Variants in ITSN1 observed in about 807,000 individuals in gnomAD.
The protein encoded by ITSN1 is intersectin 1.
ITSN1 carries 58 observed loss-of-function variants against 239.8 expected under a neutral mutation model. The observed-to-expected ratio is 0.24, with a 90% CI of 0.20 to 0.30. The LOEUF (loss-of-function observed/expected upper bound fraction) is 0.30, where lower values mean the gene tolerates loss of function less well. Ranked by LOEUF, ITSN1 falls within the 10% of genes least tolerant of loss-of-function variation. The pLI is 1.00. For synonymous variants in ITSN1, 780 were observed against 770.8 expected (o/e 1.01, Z -0.20); for missense variants, 1,558 against 2,103.3 (o/e 0.74, Z 5.07).
In ITSN1 at chr21:33,898,528, G is replaced by A. The variant is rs1468847425; in HGVS notation, c.*10228G>A. ...TTAGGCCACCTAAGGAGGATTCTGTGAAACTCAATGTCTAAACCCCTGAGA... is the reference window on the plus strand; with the variant it reads ...TTAGGCCACCTAAGGAGGATTCTGTAAAACTCAATGTCTAAACCCCTGAGA... On this transcript the variant is annotated 3_prime_UTR_variant, in exon 40 of 40. Transcript: ENST00000381318. 2 of 152,202 alleles carry A rather than the reference G, an allele frequency of 1.3e-5. No homozygotes were observed. The highest frequency in any genetic ancestry group is 4.8e-5 in the African/African-American group (2 of 41,446). The allele number at this position is 152,202 out of a possible 1,614,324, so 9.4% of individuals were successfully genotyped here.
chr21:33,702,116 T>TAAAG (rs1568975054), intron 1 of ITSN1, among the ~76,000 whole-genome samples: 1 of 145,682 alleles, frequency 6.9e-6, no homozygotes, highest in African/African-American at 2.5e-5. Flanking sequence ...TTTTTTTTTT[T>TAAAG]TTTTTTTTTT....
intron 1 of ITSN1, among the ~76,000 whole-genome samples, chr21:33,666,961 T>G (rs1038772857): frequency 6.6e-6 from 1 of 152,104 alleles, no homozygotes; most frequent in Non-Finnish European, 1.5e-5. Flanking sequence ...GTTTTACATT[T>G]ACATGCCACC....
intron 1 of ITSN1, among the ~76,000 whole-genome samples, chr21:33,667,264 G>GC (rs199899813): frequency 1.4e-5 from 2 of 142,066 alleles, no homozygotes; most frequent in Non-Finnish European, 3.1e-5. Context: ...GGATTTTTTT[G>GC]TTTTTTTTTT....
At chr21:33,823,009 A>AT (rs1166158225) in intron 24 of ITSN1, among the ~76,000 whole-genome samples, 3 of 152,232 alleles carry the variant, frequency 2.0e-5, no homozygotes, top group Admixed American at 6.5e-5. Flanking sequence ...CTATCTAACA[A>AT]TTTTTTAAAA....
intron 1 of ITSN1, among the ~76,000 whole-genome samples, chr21:33,703,978 C>T (rs551553787): frequency 6.6e-6 from 1 of 152,350 alleles, no homozygotes; most frequent in South Asian, 2.1e-4. Context: ...TTCTAGGCCA[C>T]AGGGCCAGGG....
intron 2 of ITSN1, among the ~76,000 whole-genome samples, chr21:33,719,721 A>G (rs1408732038): frequency 6.6e-6 from 1 of 152,134 alleles, no homozygotes; most frequent in Non-Finnish European, 1.5e-5. Flanking sequence ...CAAAGCCTGG[A>G]TTTGAAGCAT....
chr21:33,694,002 A>G (rs767696018), intron 1 of ITSN1, among the ~76,000 whole-genome samples: 39 of 152,184 alleles, frequency 2.6e-4, no homozygotes, highest in Non-Finnish European at 4.0e-4. Flanking sequence ...TAATTGTCAT[A>G]TATTTCATTA....
At chr21:33,653,017 CAG>C (rs957085038) in intron 1 of ITSN1, among the ~76,000 whole-genome samples, 9 of 141,636 alleles carry the variant, frequency 6.4e-5, no homozygotes, top group Non-Finnish European at 1.1e-4. Flanking sequence ...TTTTTTTTGA[CAG>C]AGTCGTGTTT....
At chr21:33,775,192 A>G in intron 14 of ITSN1, 84 bp downstream of exon 14, 1 of 1,436,086 alleles carries the variant, frequency 7.0e-7, no homozygotes, top group Non-Finnish European at 9.5e-7. Flanking sequence ...CTTATTCAGT[A>G]AACATTAAGC....
intron 1 of ITSN1, among the ~76,000 whole-genome samples, chr21:33,667,419 T>C (rs1482850696): frequency 6.6e-6 from 1 of 152,194 alleles, no homozygotes; most frequent in Non-Finnish European, 1.5e-5. Context: ...ACTACTTGTA[T>C]TATATATTTT....
rs554938171 is a variant in ITSN1 at position 33,659,204 on chromosome 21, A to G, written c.-33+16491A>G. Among the ~76,000 whole-genome samples, 61 of 152,360 alleles carry G rather than the reference A, an allele frequency of 4.0e-4. No individual in the cohort carries two copies. In the South Asian group the frequency reaches 5.2e-3, roughly 13 times the overall value. On this transcript the variant is annotated intron_variant, in intron 1 of 39. Coordinates refer to ENST00000381318, the MANE Select transcript of ITSN1 (RefSeq NM_003024.3). ...TTCGGAGAGCTGGGTTGGTGAACCC[A>G]TGATGTGCAGAAAGGTGAGTGCCTA...
chr21:33,781,330 AAT>A (rs2070161321), intron 14 of ITSN1, 129 bp from the exon 15 acceptor site: 2 of 619,560 alleles, frequency 3.2e-6, no homozygotes, highest in Admixed American at 7.2e-5. Flanking sequence ...CCTAATTAAT[AAT>A]TAAATGCAGC....
chr21:33,727,803 C>T (rs567792865), intron 4 of ITSN1, among the ~76,000 whole-genome samples: 1 of 151,988 alleles, frequency 6.6e-6, no homozygotes, highest in Admixed American at 6.6e-5. Context: ...CCCAGTCCAT[C>T]AACGTAATTG....
At chr21:33,762,078 T>TG in intron 9 of ITSN1, 92 bp downstream of exon 9, 3 of 869,770 alleles carry the variant, frequency 3.4e-6, no homozygotes, top group Non-Finnish European at 5.9e-6. Flanking sequence ...CCGTTTTTTA[T>TG]GGGGGAATAT....
rs1179675954 is a variant in ITSN1 at position 33,865,179 on chromosome 21, G to A, written c.3919G>A (p.Gly1307Arg). ...GCTGAGAGTCCGCAAGAAGATGTCC[G>A]GGGAGAAGATGCCTGTGAAGATGAT... is the stretch of plus-strand genomic sequence containing the variant. ...KALRVRKKMS[G>R]EKMPVKMIGD... Residue 1307 changes from glycine (G) to arginine (R), a missense_variant, in exon 32 of 40, where the codon GGG becomes AGG. Coordinates refer to ENST00000381318, the MANE Select transcript of ITSN1 (RefSeq NM_003024.3). The surrounding 1 kb of genome is among the most constrained non-coding windows in gnomAD (Gnocchi z 4.4). 1.2e-6 allele frequency: 2 copies of A among 1,613,872 alleles called. No individual in the cohort carries two copies. Among genetic ancestry groups the A allele is most frequent in the South Asian group, 1.1e-5 (1 of 91,002 alleles).
At chr21:33,878,725 T>C (rs1160545502) in intron 34 of ITSN1, among the ~76,000 whole-genome samples, 1 of 152,226 alleles carries the variant, frequency 6.6e-6, no homozygotes, top group African/African-American at 2.4e-5. Flanking sequence ...CATTTTGGGA[T>C]TTTGTGTTGC....
At position 33,797,600 on chromosome 21, in the gene ITSN1, C is replaced by T; in HGVS notation, c.2174C>T (p.Ser725Phe). Reference sequence around the variant, plus strand: ...AAGCCAGCTGTCCAGGCACCCTGGTCCACTGCAGGTATTAGAAGCCAAAAA... The same window carrying T: ...AAGCCAGCTGTCCAGGCACCCTGGTTCACTGCAGGTATTAGAAGCCAAAAA... ...PAKPAVQAPW[S>F]TAEKGPLTIS... Residue 725 changes from serine to phenylalanine, a missense_variant, in exon 18 of 40, where the codon TCC (serine) becomes TTC (phenylalanine). Around this residue, in one of 2 missense-constraint regions of ITSN1, gnomAD observed 982 missense variants for 1,209.9 expected, o/e 0.81. Transcript: ENST00000381318. This position sits in a 1 kb window ranked among gnomAD's most constrained non-coding sequence, Gnocchi z 4.9. 6 of 1,613,654 alleles carry T rather than the reference C, an allele frequency of 3.7e-6. No individual in the cohort carries two copies. Among genetic ancestry groups the T allele is most frequent in the Non-Finnish European group, 5.1e-6 (6 of 1,179,656 alleles).
chr21:33,780,624 T>G (rs2070088996), intron 14 of ITSN1, among the ~76,000 whole-genome samples: 1 of 152,216 alleles, frequency 6.6e-6, no homozygotes, highest in South Asian at 2.1e-4. Context: ...GTTTTTAGCT[T>G]CTGATGAAAA....
chr21:33,691,446 A>C (rs1195752482), intron 1 of ITSN1, among the ~76,000 whole-genome samples: 1 of 152,230 alleles, frequency 6.6e-6, no homozygotes, highest in Admixed American at 6.5e-5. Flanking sequence ...ATAGTTAGGA[A>C]GACTTTATTC....
Sources: gnomAD v4.1 joint callset for allele counts (sites outside exome capture counted in the v4.1 genomes callset) on GRCh38, gnomAD v4.1.1 for gene constraint, gnomAD v4.1.1 regional missense constraint, Gnocchi (gnomAD v3.1) non-coding constraint, MANE v1.5 for transcripts, NCBI Gene and HGNC (gene_info 2026-07-23, HGNC 2026-07-21) for gene names.